Variants in GDA observed in about 807,000 individuals in gnomAD.
GDA encodes the protein cytoplasmic PSD-95 interactor.
GDA carries 18 observed loss-of-function variants against 59.6 expected under a neutral mutation model. The observed-to-expected ratio is 0.30, with a 90% CI of 0.21 to 0.45. The LOEUF is 0.45. Among genes scored for constraint, GDA ranks in the 20% least tolerant of loss-of-function variants. The pLI, the probability that GDA is intolerant of heterozygous loss-of-function variation, is 1.00. For missense variants in GDA, 427 were observed against 552.3 expected, an observed-to-expected ratio of 0.77 and a Z score of 2.27; for synonymous variants, 201 against 201.1, an observed-to-expected ratio of 1.00 and a Z score of 0.00.
chr9:72,175,687 A>G (rs1587482463), intron 1 of GDA, among the ~76,000 whole-genome samples: 3 of 152,290 alleles, frequency 2.0e-5, no homozygotes, highest in East Asian at 3.9e-4. Context: ...CTTTTGTTGT[A>G]GATTTGAATG....
chr9:72,215,397 C>T (rs1285255783), intron 5 of GDA, among the ~76,000 whole-genome samples: 1 of 152,086 alleles, frequency 6.6e-6, no homozygotes, highest in African/African-American at 2.4e-5. Context: ...ATTGTTTTCT[C>T]AAGGTGGTAT....
intron 1 of GDA, among the ~76,000 whole-genome samples, chr9:72,165,897 C>CAA (rs1279218324): frequency 6.3e-5 from 6 of 95,730 alleles, no homozygotes; most frequent in African/African-American, 1.5e-4. Context: ...GACTCTGTCT[C>CAA]AAAAAAAAAA....
intron 6 of GDA, among the ~76,000 whole-genome samples, chr9:72,222,326 T>G (rs2131574053): frequency 6.6e-6 from 1 of 152,370 alleles, no homozygotes; most frequent in African/African-American, 2.4e-5. Flanking sequence ...GTTGAGCTTT[T>G]TTTTCATGTG....
At chr9:72,125,652 A>G (rs1246926702) in intron 1 of GDA, among the ~76,000 whole-genome samples, 1 of 152,196 alleles carries the variant, frequency 6.6e-6, no homozygotes, top group African/African-American at 2.4e-5. Context: ...TAGTGGTATC[A>G]ATATTTACCA....
chr9:72,235,267 G>A (rs141829930), intron 10 of GDA, among the ~76,000 whole-genome samples: 169 of 152,276 alleles, frequency 1.1e-3, no homozygotes, highest in African/African-American at 3.9e-3. Context: ...TCCTGGGACC[G>A]AAATACATGG....
chr9:72,180,802 A>G (rs775437746), intron 1 of GDA, among the ~76,000 whole-genome samples: 9 of 152,356 alleles, frequency 5.9e-5, no homozygotes, highest in African/African-American at 9.6e-5. Context: ...AACAATTTGC[A>G]TCCCAAAGTG....
At chr9:72,132,734 A>G (rs527922324) in intron 1 of GDA, among the ~76,000 whole-genome samples, 2 of 152,196 alleles carry the variant, frequency 1.3e-5, no homozygotes, top group East Asian at 3.9e-4. Context: ...CTAAGTAGTT[A>G]TAGTTTCTGG....
intron 1 of GDA, among the ~76,000 whole-genome samples, chr9:72,152,577 A>T (rs1423793702): frequency 6.6e-6 from 1 of 152,200 alleles, no homozygotes; most frequent in Non-Finnish European, 1.5e-5. Flanking sequence ...TTTTGGCTAC[A>T]TAAATGTCTT....
At chr9:72,240,768 A>G (rs1839520451) in intron 10 of GDA, among the ~76,000 whole-genome samples, 1 of 152,064 alleles carries the variant, frequency 6.6e-6, no homozygotes, top group South Asian at 2.1e-4. Context: ...GCCAGGAGCC[A>G]CCAGGAGCCA....
At chr9:72,223,054 C>A in intron 6 of GDA, 66 bp from the exon 7 acceptor site, 2 of 845,358 alleles carry the variant, frequency 2.4e-6, no homozygotes, top group South Asian at 1.5e-5. Context: ...TGTCTTTAAT[C>A]CATCTTGAGT....
chr9:72,149,372 A>G (rs765681874), upstream of GDA: 42 of 574,528 alleles, frequency 7.3e-5, no homozygotes, highest in Non-Finnish European at 1.1e-4. Flanking sequence ...ATTGGCATTG[A>G]GGAGGTAGGG....
chr9:72,149,546 G>C lies in GDA; in HGVS notation c.-14G>C. 6.2e-6 allele frequency: 10 copies of C among 1,608,148 alleles called. No individual in the cohort carries two copies. Among genetic ancestry groups the C allele is most frequent in the Admixed American group, 1.7e-5 (1 of 59,874 alleles). ...TCCTCGACCAGCAGACCCGCGCTGC[G>C]CTCCGCCGCTGACATGTGTGCCGCT... On this transcript the variant is annotated 5_prime_UTR_variant, in exon 1 of 14. Transcript: ENST00000358399.
chr9:72,230,500 A>AT (rs1564145896), intron 9 of GDA, among the ~76,000 whole-genome samples: 79 of 123,098 alleles, frequency 6.4e-4, no homozygotes, highest in African/African-American at 1.4e-3. Flanking sequence ...CAAAAAAAAA[A>AT]AATATATATA....
chr9:72,235,561 G>A lies in GDA; in HGVS notation c.988+4380G>A, dbSNP rs150623274. Among the ~76,000 whole-genome samples the A allele has an allele frequency of 6.4e-3, 973 of 152,222 alleles. 12 individuals are homozygous for A. The highest frequency in any genetic ancestry group is 0.022 in the African/African-American group (914 of 41,534). On this transcript the variant is annotated intron_variant, in intron 10 of 13. Coordinates refer to ENST00000358399, the MANE Select transcript of GDA (RefSeq NM_004293.5). The stretch of plus-strand genomic sequence containing the variant: ...AAAATACAAAAATTAGCTGGGTGTG[G>A]TAGCATGTGCCTGTAGTCCCAGCTA...
chr9:72,213,619 C>G (rs181357978), intron 4 of GDA, among the ~76,000 whole-genome samples: 3 of 150,832 alleles, frequency 2.0e-5, no homozygotes, highest in African/African-American at 2.5e-5. Context: ...TTGGCTAACA[C>G]GGTGAAACCC....
chr9:72,244,991 C>T (rs1454091631), intron 11 of GDA, among the ~76,000 whole-genome samples, 157 bp from the exon 12 acceptor site: 1 of 152,116 alleles, frequency 6.6e-6, no homozygotes, highest in Non-Finnish European at 1.5e-5. Context: ...AGTCTTGTGA[C>T]CTGTTAGAAT....
At chr9:72,234,629 A>T (rs753553152) in intron 10 of GDA, among the ~76,000 whole-genome samples, 8 of 152,220 alleles carry the variant, frequency 5.3e-5, no homozygotes, top group Non-Finnish European at 8.8e-5. Flanking sequence ...AATGGGACAG[A>T]TGCAATAGTC....
chr9:72,186,504 A>G (rs1831876177), intron 1 of GDA, among the ~76,000 whole-genome samples: 1 of 151,740 alleles, frequency 6.6e-6, no homozygotes, highest in Non-Finnish European at 1.5e-5. Flanking sequence ...TAGTCTATTT[A>G]CCTCTCTTTA....
intron 1 of GDA, chr9:72,193,805 A>G (rs1587577070): frequency 6.6e-6 from 1 of 152,228 alleles, no homozygotes; most frequent in South Asian, 2.1e-4. Context: ...AAGACTTAGA[A>G]AGCCACCTGG....
Sources: gnomAD v4.1 joint callset for allele counts (sites outside exome capture counted in the v4.1 genomes callset) on GRCh38, gnomAD v4.1.1 for gene constraint, MANE v1.5 for transcripts, NCBI Gene and HGNC (gene_info 2026-07-23, HGNC 2026-07-21) for gene names.